Variants in TGM5 observed in about 807,000 individuals in gnomAD.
TGM5 encodes transglutaminase 5, also known as protein-glutamine gamma-glutamyltransferase 5.
A neutral mutation model predicts 77.2 loss-of-function variants in TGM5; 69 were observed. That is an observed-to-expected ratio of 0.89 (90% CI 0.74 to 1.09). TGM5 has a LOEUF of 1.09. Ranked by LOEUF, TGM5 falls within the 50% of genes least tolerant of loss-of-function variation. The probability of loss-of-function intolerance (pLI) is 0.00; values close to 1 mark genes in which losing one functional copy is unlikely to be tolerated. For missense variants in TGM5, 842 were observed against 896.5 expected (o/e 0.94, Z 0.78); for synonymous variants, 346 against 351.8 (o/e 0.98, Z 0.18).
At chr15:43,259,576 A>G (rs1191486635) in intron 3 of TGM5, among the ~76,000 whole-genome samples, 1 of 152,242 alleles carries the variant, frequency 6.6e-6, no homozygotes, top group Admixed American at 6.5e-5. Context: ...TTGTAAAACT[A>G]CACAAGAAAA....
At chr15:43,247,396 C>G (rs1235845064) in intron 6 of TGM5, among the ~76,000 whole-genome samples, 2 of 152,102 alleles carry the variant, frequency 1.3e-5, no homozygotes, top group East Asian at 3.9e-4. Context: ...GAAATTAGCA[C>G]TGAGTGACGA....
At chr15:43,238,640 G>A (rs902945230) in intron 9 of TGM5, among the ~76,000 whole-genome samples, 177 bp downstream of exon 9, 3 of 152,182 alleles carry the variant, frequency 2.0e-5, no homozygotes, top group Non-Finnish European at 4.4e-5. Context: ...CAGGATGTGG[G>A]GTGGGGGTGT....
At chr15:43,265,853 T>C (rs1239751165) in intron 1 of TGM5, among the ~76,000 whole-genome samples, 2 of 152,146 alleles carry the variant, frequency 1.3e-5, no homozygotes, top group South Asian at 4.1e-4. Flanking sequence ...ATGAGAAATA[T>C]TGAGGTAGAT....
chr15:43,261,441 C>T (rs1436085865), intron 1 of TGM5, among the ~76,000 whole-genome samples: 1 of 152,146 alleles, frequency 6.6e-6, no homozygotes, highest in Non-Finnish European at 1.5e-5. Flanking sequence ...CCACAGGCCA[C>T]GTGCTCAGTG....
At chr15:43,248,330 G>A (rs1358807078) in intron 6 of TGM5, among the ~76,000 whole-genome samples, 8 of 151,902 alleles carry the variant, frequency 5.3e-5, no homozygotes, top group African/African-American at 7.3e-5. Context: ...CCACCACCAC[G>A]CCCAGCTAAT....
intron 9 of TGM5, among the ~76,000 whole-genome samples, chr15:43,236,250 C>T (rs775678534): frequency 8.5e-5 from 13 of 152,104 alleles, no homozygotes; most frequent in Non-Finnish European, 1.3e-4. Context: ...GATGAAGGCC[C>T]ACAAATGCAG....
At chr15:43,240,426 T>C (rs1486250307) in intron 7 of TGM5, among the ~76,000 whole-genome samples, 2 of 152,204 alleles carry the variant, frequency 1.3e-5, no homozygotes, top group East Asian at 3.9e-4. Flanking sequence ...GTCTTCATTC[T>C]GAAGGCTCCT....
At chr15:43,239,656 A>T (rs1355003039) in intron 7 of TGM5, 2 of 271,364 alleles carry the variant, frequency 7.4e-6, no homozygotes, top group African/African-American at 4.5e-5. Context: ...CCTGGGCAGC[A>T]AAGCCAGACC....
At position 43,256,590 on chromosome 15, in the gene TGM5, G is replaced by A; in HGVS notation, c.533C>T (p.Pro178Leu). 1 of 1,614,082 alleles carries A rather than the reference G, an allele frequency of 6.2e-7. No homozygotes were observed. Residue 178 changes from proline to leucine, a missense_variant, in exon 4 of 13, where the codon CCA becomes CTA. Pro to Leu is a moderately conservative substitution (Grantham distance 98, BLOSUM62 -3). This residue lies in a region of TGM5 where 815 missense variants were observed against 844.6 expected (regional missense o/e 0.96). Coordinates refer to ENST00000220420, the MANE Select transcript of TGM5 (RefSeq NM_201631.4). ...IYQGSKNWIRPCPWNYGQFED... is the reference protein window; with the variant it reads ...IYQGSKNWIRLCPWNYGQFED... ...CACCTGTCCATAGTTCCAGGGACAT[G>A]GGCGGATCCAGTTCTTGCTGCCTTG... is the stretch of plus-strand genomic sequence containing the variant.
At chr15:43,246,074 T>C (rs71476425) in intron 6 of TGM5, among the ~76,000 whole-genome samples, 8,355 of 152,198 alleles carry the variant, frequency 0.055, 341 homozygotes, top group Middle Eastern at 0.092. Flanking sequence ...CTAGTCAAAA[T>C]GTTTAATATG....
At chr15:43,256,743 CA>C in intron 3 of TGM5, 57 bp from the exon 4 acceptor site, 1 of 1,233,066 alleles carries the variant, frequency 8.1e-7, no homozygotes, top group Non-Finnish European at 1.2e-6. Flanking sequence ...CTTACTGCCC[CA>C]TTCTCATCCC....
At chr15:43,250,034 C>T (rs573201) in intron 6 of TGM5, among the ~76,000 whole-genome samples, 147,217 of 152,296 alleles carry the variant, frequency 0.97, 71,354 homozygotes, top group East Asian at 1. Context: ...AAAGTGAAAG[C>T]GTCCAGTGTG....
rs763824582 is a variant in TGM5 at position 43,253,486 on chromosome 15, G to A, written c.684+20C>T. ...CCGCTGCACAGCTTCCTCCCTCCCC[G>A]GGCACGCCAGGGACCTCACCATGGC... On this transcript the variant is annotated intron_variant, in intron 5 of 12. Transcript: ENST00000220420. 5.0e-6 allele frequency: 8 copies of A among 1,608,998 alleles called. No homozygotes were observed. Among genetic ancestry groups the A allele is most frequent in the Middle Eastern group, 2.1e-4 (1 of 4,794 alleles).
chr15:43,259,351 A>G (rs78096246), intron 3 of TGM5, among the ~76,000 whole-genome samples: 4,800 of 152,122 alleles, frequency 0.032, 253 homozygotes, highest in African/African-American at 0.11. Flanking sequence ...GCCCATAGAG[A>G]ACTAGTTAAA....
At chr15:43,254,095 G>A (rs895468828) in intron 4 of TGM5, among the ~76,000 whole-genome samples, 4 of 152,202 alleles carry the variant, frequency 2.6e-5, no homozygotes, top group Non-Finnish European at 5.9e-5. Context: ...GATTCACTGG[G>A]GCTCTAGGCT....
intron 6 of TGM5, among the ~76,000 whole-genome samples, chr15:43,250,538 A>G (rs187654577): frequency 5.3e-5 from 8 of 152,362 alleles, no homozygotes; most frequent in Admixed American, 5.2e-4. Context: ...GAAGTCCCCA[A>G]TAAACATTAG....
At chr15:43,240,787 C>T in intron 7 of TGM5, 65 bp downstream of exon 7, 1 of 1,608,268 alleles carries the variant, frequency 6.2e-7, no homozygotes, top group Non-Finnish European at 8.5e-7. Context: ...TTCTGCCCTT[C>T]CTCCTGCCAT....
chr15:43,256,187 G>A (rs2042741011), intron 4 of TGM5, among the ~76,000 whole-genome samples: 2 of 152,176 alleles, frequency 1.3e-5, no homozygotes, highest in Admixed American at 1.3e-4. Flanking sequence ...ACCAAGGGTT[G>A]TGAGCATGAA....
chr15:43,243,313 C>T (rs2042651028), intron 6 of TGM5, among the ~76,000 whole-genome samples: 1 of 152,172 alleles, frequency 6.6e-6, no homozygotes, highest in Admixed American at 6.5e-5. Flanking sequence ...GAATCTTTTG[C>T]CTGTTCTGGT....
Sources: allele counts gnomAD v4.1 joint callset (sites outside exome capture counted in the v4.1 genomes callset), GRCh38; gene constraint gnomAD v4.1.1; regional missense constraint gnomAD v4.1.1; transcripts MANE v1.5; gene names NCBI Gene and HGNC (gene_info 2026-07-23, HGNC 2026-07-21).